ZFAND3: variants seen among roughly 807,000 people sequenced by gnomAD.
ZFAND3 encodes AN1-type zinc finger protein 3.
Under a neutral mutation model 29.6 loss-of-function variants are expected in ZFAND3, and 10 were observed. That is an observed-to-expected ratio of 0.34 (90% confidence interval 0.21 to 0.57). The LOEUF is 0.57. Ranked by LOEUF, ZFAND3 falls within the 20% of genes least tolerant of loss-of-function variation. The pLI is 0.86. For synonymous variants in ZFAND3, 128 were observed against 112.6 expected (o/e 1.14, Z -0.87); for missense variants, 230 against 304.5 (o/e 0.76, Z 1.82).
chr6:37,972,373 C>A (rs1762403401), intron 2 of ZFAND3, among the ~76,000 whole-genome samples: 1 of 152,088 alleles, frequency 6.6e-6, no homozygotes, highest in Non-Finnish European at 1.5e-5. Flanking sequence ...TGTGAGGCTT[C>A]AGAAATAATG....
At chr6:37,882,475 G>C (rs570299944) in intron 1 of ZFAND3, among the ~76,000 whole-genome samples, 24 of 152,250 alleles carry the variant, frequency 1.6e-4, no homozygotes, top group Admixed American at 7.8e-4. Flanking sequence ...GGCAAGCTAT[G>C]TTTTTCTGGA....
At chr6:38,073,416 G>C (rs1180069699) in intron 3 of ZFAND3, among the ~76,000 whole-genome samples, 1 of 152,026 alleles carries the variant, frequency 6.6e-6, no homozygotes, top group South Asian at 2.1e-4. Flanking sequence ...TGTGTTGATG[G>C]TAAAATGCAA....
chr6:38,082,151 T>G lies in ZFAND3; in HGVS notation c.296-241T>G, dbSNP rs577902552. On this transcript the variant is annotated intron_variant, in intron 3 of 5. Transcript: ENST00000287218. ...TATGTGAGACTCGGCTGTTTTTTTTTTTTTTGTGTGTGAAAAGCATGTTAG... is the reference window on the plus strand; with the variant it reads ...TATGTGAGACTCGGCTGTTTTTTTTGTTTTTGTGTGTGAAAAGCATGTTAG... 2.2e-3 allele frequency among the ~76,000 whole-genome samples: 337 copies of G among 152,076 alleles called. 4 individuals are homozygous for G. Among genetic ancestry groups the G allele is most frequent in the Middle Eastern group, 6.8e-3 (2 of 292 alleles).
intron 1 of ZFAND3, among the ~76,000 whole-genome samples, chr6:37,916,020 C>T (rs142055687): frequency 0.011 from 1,593 of 151,434 alleles, 32 homozygotes; most frequent in East Asian, 0.073. Context: ...CCGCCCGCCT[C>T]GGCCTCCTGA....
chr6:37,860,513 A>G (rs1384383495), intron 1 of ZFAND3, among the ~76,000 whole-genome samples: 1 of 152,110 alleles, frequency 6.6e-6, no homozygotes, highest in Non-Finnish European at 1.5e-5. Context: ...CAAATTTTTT[A>G]TTCTCTGTAG....
intron 1 of ZFAND3, among the ~76,000 whole-genome samples, chr6:37,873,366 G>A (rs868002212): frequency 2.0e-5 from 3 of 152,118 alleles, no homozygotes; most frequent in East Asian, 1.9e-4. Flanking sequence ...TCAATAAATC[G>A]GTATTTTTAT....
intron 2 of ZFAND3, among the ~76,000 whole-genome samples, chr6:37,982,478 C>T (rs1762596553): frequency 6.6e-6 from 1 of 152,098 alleles, no homozygotes; most frequent in Non-Finnish European, 1.5e-5. Flanking sequence ...CAAGGGCAGA[C>T]CACATATGCA....
intron 3 of ZFAND3, 129 bp downstream of exon 3, chr6:38,061,904 C>T: frequency 9.0e-7 from 1 of 1,116,746 alleles, no homozygotes; most frequent in Non-Finnish European, 1.2e-6. Context: ...ACATACAAGG[C>T]CCAAGCTCAG....
In ZFAND3 at chr6:38,024,370, G is replaced by T. The variant is rs577441626; in HGVS notation, c.113-37223G>T. On this transcript the variant is annotated intron_variant, in intron 2 of 5. Coordinates refer to ENST00000287218, the MANE Select transcript of ZFAND3 (RefSeq NM_021943.3). ...GCCTATAGTCCCAGCTACTTGGGAGGCCGAGGCAGGAGAATGGCATGAACC... is the reference window on the plus strand; with the variant it reads ...GCCTATAGTCCCAGCTACTTGGGAGTCCGAGGCAGGAGAATGGCATGAACC... Among the ~76,000 whole-genome samples, 14 of 151,954 alleles carry T rather than the reference G, an allele frequency of 9.2e-5. No individual in the cohort carries two copies. In the South Asian group the frequency reaches 2.9e-3, roughly 32 times the overall value.
At chr6:37,934,579 C>T in intron 2 of ZFAND3, among the ~76,000 whole-genome samples, 1 of 148,774 alleles carries the variant, frequency 6.7e-6, no homozygotes, top group Non-Finnish European at 1.5e-5. Flanking sequence ...CGCCTGTAAT[C>T]CCAGGACTTT....
intron 2 of ZFAND3, among the ~76,000 whole-genome samples, chr6:37,930,392 C>CCAT (rs1027068651): frequency 2.0e-4 from 31 of 152,154 alleles, no homozygotes; most frequent in Admixed American, 1.4e-3. Flanking sequence ...CTGAGTTAGC[C>CCAT]CATCATCAGA....
At chr6:37,965,323 A>G (rs1015552893) in intron 2 of ZFAND3, among the ~76,000 whole-genome samples, 2 of 152,178 alleles carry the variant, frequency 1.3e-5, no homozygotes, top group African/African-American at 2.4e-5. Context: ...ACCGGCACTG[A>G]TCTGTGGACT....
chr6:38,092,739 T>G (rs1347055443), intron 4 of ZFAND3, among the ~76,000 whole-genome samples: 1 of 152,170 alleles, frequency 6.6e-6, no homozygotes, highest in Non-Finnish European at 1.5e-5. Flanking sequence ...AGTGCTCAAC[T>G]TCACTAAATC....
intron 2 of ZFAND3, among the ~76,000 whole-genome samples, chr6:37,958,829 A>G (rs552801603): frequency 6.6e-6 from 1 of 152,260 alleles, no homozygotes; most frequent in African/African-American, 2.4e-5. Flanking sequence ...ATAGACGTGA[A>G]TTCTGGTAAA....
Position 37,853,525 on chromosome 6 carries a change from A to G in ZFAND3, c.71+33509A>G, listed in dbSNP as rs115241447. On this transcript the variant is annotated intron_variant, in intron 1 of 5. Coordinates refer to ENST00000287218, the MANE Select transcript of ZFAND3 (RefSeq NM_021943.3). ...CTTACTACTAGAATTCAGTAATACT[A>G]TAAATATTTTTGGGGGGTTAACTTA... Among the ~76,000 whole-genome samples, 474 of 152,102 alleles carry G rather than the reference A, an allele frequency of 3.1e-3. 3 individuals carry two copies. The highest frequency in any genetic ancestry group is 0.011 in the African/African-American group (448 of 41,446).
intron 5 of ZFAND3, among the ~76,000 whole-genome samples, chr6:38,141,817 A>G (rs539310742): frequency 6.6e-6 from 1 of 152,194 alleles, no homozygotes; most frequent in Non-Finnish European, 1.5e-5. Flanking sequence ...AATGCCAAGC[A>G]TGTCAGCTGC....
chr6:37,863,274 G>GAA (rs1764527098), intron 1 of ZFAND3, among the ~76,000 whole-genome samples: 1 of 152,178 alleles, frequency 6.6e-6, no homozygotes, highest in Admixed American at 6.5e-5. Context: ...ACATCAAGTG[G>GAA]TCACATACCA....
chr6:37,828,517 A>AT (rs1763798867), intron 1 of ZFAND3, among the ~76,000 whole-genome samples: 1 of 152,248 alleles, frequency 6.6e-6, no homozygotes, highest in Non-Finnish European at 1.5e-5. Flanking sequence ...ACTAGTCATA[A>AT]GAGTATTAAC....
intron 1 of ZFAND3, among the ~76,000 whole-genome samples, chr6:37,894,142 C>T (rs996265514): frequency 2.6e-5 from 4 of 152,016 alleles, no homozygotes; most frequent in Non-Finnish European, 4.4e-5. Flanking sequence ...GTAGTTCCAG[C>T]TACTCAGGAG....
Sources: gnomAD v4.1 joint callset for allele counts (sites outside exome capture counted in the v4.1 genomes callset) on GRCh38, gnomAD v4.1.1 for gene constraint, MANE v1.5 for transcripts, NCBI Gene and HGNC (gene_info 2026-07-23, HGNC 2026-07-21) for gene names.